Variants in ST6GALNAC3 observed in about 807,000 individuals in gnomAD.
ST6GALNAC3 encodes the protein alpha-N-acetylgalactosaminide alpha-2,6-sialyltransferase 3.
Under a neutral mutation model 32.7 loss-of-function variants are expected in ST6GALNAC3, and 25 were observed. The observed-to-expected ratio is 0.76, with a 90% CI of 0.56 to 1.07. ST6GALNAC3 has a LOEUF of 1.07. ST6GALNAC3 is among the 50% of genes least tolerant of loss of function. ST6GALNAC3 has a pLI of 0.00. For synonymous variants in ST6GALNAC3, 129 were observed against 133.1 expected, an observed-to-expected ratio of 0.97 and a Z score of 0.21; for missense variants, 355 against 382.4, an observed-to-expected ratio of 0.93 and a Z score of 0.60.
At chr1:76,526,315 A>G (rs1662909039) in intron 3 of ST6GALNAC3, among the ~76,000 whole-genome samples, 1 of 152,096 alleles carries the variant, frequency 6.6e-6, no homozygotes, top group Admixed American at 6.6e-5. Context: ...AAAATTTTTT[A>G]GAACCTGGCT....
intron 3 of ST6GALNAC3, among the ~76,000 whole-genome samples, chr1:76,467,110 GA>G (rs1658686928): frequency 6.6e-6 from 1 of 151,962 alleles, no homozygotes; most frequent in East Asian, 1.9e-4. Context: ...AAAAAGAAAA[GA>G]AACCAAATAA....
At chr1:76,171,653 A>G (rs1396534933) in intron 1 of ST6GALNAC3, among the ~76,000 whole-genome samples, 1 of 152,120 alleles carries the variant, frequency 6.6e-6, no homozygotes, top group African/African-American at 2.4e-5. Flanking sequence ...AGAGAATACT[A>G]TAAACAACTC....
At chr1:76,373,771 A>G (rs1358658298) in intron 2 of ST6GALNAC3, among the ~76,000 whole-genome samples, 1 of 152,208 alleles carries the variant, frequency 6.6e-6, no homozygotes, top group Admixed American at 6.5e-5. Context: ...GCTTTGTTTT[A>G]TAAAATCAAG....
At chr1:76,286,582 C>T (rs1659793015) in intron 1 of ST6GALNAC3, among the ~76,000 whole-genome samples, 1 of 152,210 alleles carries the variant, frequency 6.6e-6, no homozygotes, top group African/African-American at 2.4e-5. Flanking sequence ...GATGCCAACC[C>T]CTGCCCTTGA....
At chr1:76,271,363 A>G (rs1286260609) in intron 1 of ST6GALNAC3, among the ~76,000 whole-genome samples, 1 of 152,224 alleles carries the variant, frequency 6.6e-6, no homozygotes, top group Non-Finnish European at 1.5e-5. Context: ...GGAGAAAAGA[A>G]TTATTGATAA....
At chr1:76,220,040 G>A (rs891965879) in intron 1 of ST6GALNAC3, among the ~76,000 whole-genome samples, 7 of 152,114 alleles carry the variant, frequency 4.6e-5, no homozygotes, top group African/African-American at 1.7e-4. Context: ...TTGAAAATGT[G>A]TAATGGCAAA....
downstream of ST6GALNAC3, chr1:76,637,283 A>G (rs1160887644): frequency 6.6e-6 from 1 of 152,136 alleles, no homozygotes; most frequent in Non-Finnish European, 1.5e-5. Flanking sequence ...TTTACTTGGA[A>G]TGGTCTTCCT....
chr1:76,569,915 T>G (rs1665765084), intron 3 of ST6GALNAC3, among the ~76,000 whole-genome samples: 6 of 152,112 alleles, frequency 3.9e-5, no homozygotes, highest in Admixed American at 3.9e-4. Flanking sequence ...TTCATAAAAT[T>G]AAGGAAATCA....
intron 3 of ST6GALNAC3, among the ~76,000 whole-genome samples, chr1:76,549,346 C>G (rs531711723): frequency 6.6e-6 from 1 of 152,058 alleles, no homozygotes. Context: ...GTTTACCAGT[C>G]TAGTATGCAT....
intron 3 of ST6GALNAC3, among the ~76,000 whole-genome samples, chr1:76,571,176 A>G (rs1181192120): frequency 1.3e-5 from 2 of 152,110 alleles, no homozygotes; most frequent in South Asian, 2.1e-4. Flanking sequence ...CTTCCCATTC[A>G]TAATGCCTTT....
In ST6GALNAC3 at chr1:76,085,990, A is replaced by G. The variant is rs140638810; in HGVS notation, c.18+11106A>G. 7.5e-4 allele frequency among the ~76,000 whole-genome samples: 115 copies of G among 152,354 alleles called. 4 individuals are homozygous for G. The highest frequency in any genetic ancestry group is 2.7e-3 in the African/African-American group (111 of 41,586). On this transcript the variant is annotated intron_variant, in intron 1 of 4. Transcript: ENST00000328299. ...CTGATGCTATGAGGCTCAGGCCACT[A>G]TGCACACTGAAAAACTTTTGCCTTT...
intron 3 of ST6GALNAC3, among the ~76,000 whole-genome samples, chr1:76,543,271 C>T (rs915103451): frequency 6.6e-6 from 1 of 152,132 alleles, no homozygotes; most frequent in African/African-American, 2.4e-5. Flanking sequence ...CAGGGAAGGT[C>T]GGGAACTGGA....
At chr1:76,553,950 C>A (rs575294893) in intron 3 of ST6GALNAC3, among the ~76,000 whole-genome samples, 1 of 152,160 alleles carries the variant, frequency 6.6e-6, no homozygotes, top group African/African-American at 2.4e-5. Context: ...GCAGTATATA[C>A]ACATAGTAAT....
intron 2 of ST6GALNAC3, among the ~76,000 whole-genome samples, chr1:76,350,742 C>T (rs1648908848): frequency 6.6e-6 from 1 of 152,098 alleles, no homozygotes; most frequent in African/African-American, 2.4e-5. Context: ...TTTATCTCAT[C>T]TAAGACATGT....
At chr1:76,466,713 T>C (rs1557447657) in intron 3 of ST6GALNAC3, among the ~76,000 whole-genome samples, 1 of 152,054 alleles carries the variant, frequency 6.6e-6, no homozygotes. Flanking sequence ...TAGAAACAAC[T>C]ACGTGCTCAA....
In ST6GALNAC3 at chr1:76,633,568, T is replaced by G. The variant is rs1275629009; in HGVS notation, c.*4762T>G. 1 of 152,172 alleles carries G rather than the reference T, an allele frequency of 6.6e-6. No homozygotes were observed. The highest frequency in any genetic ancestry group is 1.5e-5 in the Non-Finnish European group (1 of 68,028). 9.4% of individuals were successfully genotyped at this position (152,172 alleles called of 1,614,324 possible). ...GAGCTGCTGAGTGTTGGAGGTTGCC[T>G]GGTGAAACTGGCAGGCCCTGTTGTT... On this transcript the variant is annotated 3_prime_UTR_variant, in exon 5 of 5. Transcript: ENST00000328299.
chr1:76,613,796 A>G (rs576061031), intron 3 of ST6GALNAC3, among the ~76,000 whole-genome samples: 36 of 152,312 alleles, frequency 2.4e-4, no homozygotes, highest in African/African-American at 7.9e-4. Flanking sequence ...CTCTCCAGCA[A>G]TGCTTCCTGG....
At chr1:76,607,697 A>G (rs1647651455) in intron 3 of ST6GALNAC3, among the ~76,000 whole-genome samples, 1 of 152,168 alleles carries the variant, frequency 6.6e-6, no homozygotes, top group South Asian at 2.1e-4. Flanking sequence ...ATATCATAGT[A>G]TTTCTTCCTC....
At chr1:76,564,375 C>T (rs1665421723) in intron 3 of ST6GALNAC3, among the ~76,000 whole-genome samples, 2 of 152,062 alleles carry the variant, frequency 1.3e-5, no homozygotes, top group African/African-American at 4.8e-5. Context: ...TCACTTCCTT[C>T]AGTAATATAG....
Sources: gnomAD v4.1 joint callset for allele counts (sites outside exome capture counted in the v4.1 genomes callset) on GRCh38, gnomAD v4.1.1 for gene constraint, MANE v1.5 for transcripts, NCBI Gene and HGNC (gene_info 2026-07-23, HGNC 2026-07-21) for gene names.